Variants in FAM135B observed in about 807,000 individuals in gnomAD.
FAM135B encodes the protein family with sequence similarity 135 member B.
In FAM135B, 43 loss-of-function variants were observed where a neutral mutation model predicts 127.7. The ratio of observed to expected loss-of-function variants is 0.34; its 90% CI spans 0.26 to 0.43. The LOEUF (loss-of-function observed/expected upper bound fraction) is 0.43, where lower values mean the gene tolerates loss of function less well. Ranked by LOEUF, FAM135B falls within the 20% of genes least tolerant of loss-of-function variation. The probability of loss-of-function intolerance (pLI) is 1.00; values close to 1 mark genes in which losing one functional copy is unlikely to be tolerated. For missense variants in FAM135B, 1,558 were observed against 1,725.6 expected (o/e 0.90, Z 1.72); for synonymous variants, 670 against 665.1 (o/e 1.01, Z -0.11).
rs553473884 is a variant in FAM135B at position 138,282,738 on chromosome 8, G to C, written c.158-16896C>G. On this transcript the variant is annotated intron_variant, in intron 3 of 19. Transcript: ENST00000395297. Reference sequence around the variant, plus strand: ...CTCTCATTCACGACATGTGGGAACGGAAAAGGGCACAGACACTTTGGGAGA... The same window carrying C: ...CTCTCATTCACGACATGTGGGAACGCAAAAGGGCACAGACACTTTGGGAGA... 2.6e-5 allele frequency among the ~76,000 whole-genome samples: 4 copies of C among 152,272 alleles called. No homozygotes were observed. The South Asian group carries it at 8.3e-4, about 32-fold the overall frequency.
At chr8:138,309,428 T>C (rs1826498398) in intron 3 of FAM135B, among the ~76,000 whole-genome samples, 1 of 152,158 alleles carries the variant, frequency 6.6e-6, no homozygotes, top group South Asian at 2.1e-4. Context: ...AACTTGACTG[T>C]TATTTAATGC....
intron 1 of FAM135B, among the ~76,000 whole-genome samples, chr8:138,496,012 G>A (rs1815377655): frequency 1.3e-5 from 2 of 152,180 alleles, no homozygotes; most frequent in South Asian, 4.1e-4. Context: ...GGAGGGCATA[G>A]TCTTGACTGC....
intron 1 of FAM135B, among the ~76,000 whole-genome samples, chr8:138,414,552 A>C (rs1278580228): frequency 6.6e-6 from 1 of 152,206 alleles, no homozygotes; most frequent in African/African-American, 2.4e-5. Context: ...CAGACTTTTG[A>C]ATTTAATGAG....
chr8:138,175,894 A>AT (rs1023243640), intron 11 of FAM135B, among the ~76,000 whole-genome samples: 1 of 152,182 alleles, frequency 6.6e-6, no homozygotes, highest in Non-Finnish European at 1.5e-5. Flanking sequence ...GACAATACAC[A>AT]TTCGCTTACT....
In FAM135B at chr8:138,137,267, A is replaced by C. The variant is rs6577877; in HGVS notation, c.3902-7T>G. 1,199,434 of 1,528,296 alleles carry C rather than the reference A, an allele frequency of 0.78. 473,816 individuals carry two copies. The highest frequency in any genetic ancestry group is 1 in the East Asian group (44,440 of 44,466). 94.7% of individuals were successfully genotyped at this position (1,528,296 alleles called of 1,614,324 possible). A position where few individuals can be genotyped will look rare whatever the true frequency, so the allele number is the denominator to read the frequency against. Reference sequence around the variant, plus strand: ...TTTTTAAAATACTGCAGCCCTGTAAAAATTAGCCAGATGAGTGCTTTTTAC... The same window carrying C: ...TTTTTAAAATACTGCAGCCCTGTAACAATTAGCCAGATGAGTGCTTTTTAC... On this transcript the variant is annotated splice_polypyrimidine_tract_variant and splice_region_variant and intron_variant, in intron 18 of 19. Coordinates refer to ENST00000395297, the MANE Select transcript of FAM135B (RefSeq NM_015912.4).
chr8:138,346,224 A>T (rs1364537157), intron 2 of FAM135B, among the ~76,000 whole-genome samples: 1 of 152,228 alleles, frequency 6.6e-6, no homozygotes, highest in Non-Finnish European at 1.5e-5. Context: ...TAGTTCAACC[A>T]TTGTGGAAGA....
chr8:138,273,030 T>C (rs1267165614), intron 3 of FAM135B, among the ~76,000 whole-genome samples: 1 of 152,156 alleles, frequency 6.6e-6, no homozygotes, highest in Non-Finnish European at 1.5e-5. Flanking sequence ...CCTATGAAAG[T>C]ACCTGGTACA....
At position 138,489,202 on chromosome 8, in the gene FAM135B, C is replaced by A. The variant is rs1353358214; in HGVS notation, c.-20+7469G>T. ...TCAGAGACCTGAAACTCCACGCATT[C>A]AAAACAGAACTCATCATTTCCTCCT... On this transcript the variant is annotated intron_variant, in intron 1 of 19. Coordinates refer to ENST00000395297, the MANE Select transcript of FAM135B (RefSeq NM_015912.4). Among the ~76,000 whole-genome samples, 3 of 152,182 alleles carry A rather than the reference C, an allele frequency of 2.0e-5. No homozygotes were observed. In the East Asian group the frequency reaches 5.8e-4, roughly 29 times the overall value.
In FAM135B at chr8:138,168,009, A is replaced by T. The variant is rs984727395; in HGVS notation, c.1144T>A (p.Ser382Thr). 6.2e-7 allele frequency: 1 copy of T among 1,613,866 alleles called. No homozygotes were observed. The highest frequency in any genetic ancestry group is 1.1e-5 in the South Asian group (1 of 91,038). Residue 382 changes from serine (S) to threonine (T), a missense_variant, in exon 12 of 20, where the codon TCG (serine) becomes ACG (threonine). By Grantham distance (58) the Ser-to-Thr change is moderately conservative (BLOSUM62 1). This residue lies in a region of FAM135B where 115 missense variants were observed against 171.1 expected (regional missense o/e 0.67). Transcript: ENST00000395297. ...GGGGGCATGCTAGTGAGGTACTCCG[A>T]GTTCCGGATATCCAGGGACAGCTGG... ...HSQLSLDIRNSEYLTSMPPLP... is the reference protein window; with the variant it reads ...HSQLSLDIRNTEYLTSMPPLP...
rs1235911704 is a variant in FAM135B, at chr8:138,218,764, CACAGAGAGAG to C, written c.670-21105_670-21096del. Among the ~76,000 whole-genome samples, 590 of 67,480 alleles carry C rather than the reference CACAGAGAGAG, an allele frequency of 8.7e-3. 14 individuals carry two copies. Among genetic ancestry groups the C allele is most frequent in the East Asian group, 0.068 (169 of 2,482 alleles). The allele number at this position is 67,480 out of a possible 152,430, so 44.3% of individuals were successfully genotyped here. On this transcript the variant is annotated intron_variant, in intron 7 of 19. Coordinates refer to ENST00000395297, the MANE Select transcript of FAM135B (RefSeq NM_015912.4). ...TCCCAAACTTACACGCACACACACA[CACAGAGAGAG>C]AGAGAGAGAGAGAGAGAGAGAGAGA...
At chr8:138,369,289 T>G (rs531139566) in intron 1 of FAM135B, among the ~76,000 whole-genome samples, 1 of 152,234 alleles carries the variant, frequency 6.6e-6, no homozygotes, top group Admixed American at 6.5e-5. Flanking sequence ...TGGCAACTGG[T>G]GATTCACACT....
intron 11 of FAM135B, among the ~76,000 whole-genome samples, chr8:138,173,999 G>T (rs189353338): frequency 1.6e-4 from 25 of 152,236 alleles, no homozygotes; most frequent in Non-Finnish European, 3.7e-4. Flanking sequence ...GCGAAAGATG[G>T]TCTTCATTTC....
intron 1 of FAM135B, among the ~76,000 whole-genome samples, chr8:138,411,111 A>C (rs538478952): frequency 2.3e-4 from 33 of 145,420 alleles, no homozygotes; most frequent in Non-Finnish European, 4.4e-4. Context: ...GCTACCAATG[A>C]CTTTCTTCAC....
At chr8:138,173,481 T>G (rs188499799) in intron 11 of FAM135B, among the ~76,000 whole-genome samples, 67 of 152,286 alleles carry the variant, frequency 4.4e-4, no homozygotes, top group African/African-American at 1.5e-3. Flanking sequence ...TTAACCTCTC[T>G]GAGCCCAGGT....
At chr8:138,197,119 A>G (rs4581103) in intron 8 of FAM135B, among the ~76,000 whole-genome samples, 6,079 of 40,774 alleles carry the variant, frequency 0.15, 162 homozygotes, top group East Asian at 0.26. Context: ...GTGTGTGTGT[A>G]TATATATAGT....
intron 7 of FAM135B, among the ~76,000 whole-genome samples, chr8:138,222,369 T>G (rs1275185275): frequency 6.6e-6 from 1 of 152,108 alleles, no homozygotes; most frequent in African/African-American, 2.4e-5. Flanking sequence ...AATTATCTAT[T>G]TATTCTATAT....
chr8:138,330,056 T>C (rs1375537872), intron 2 of FAM135B, among the ~76,000 whole-genome samples: 1 of 152,138 alleles, frequency 6.6e-6, no homozygotes, highest in Non-Finnish European at 1.5e-5. Flanking sequence ...GATGGGCTTG[T>C]TCTTGCCCAG....
chr8:138,275,321 A>G (rs1029704283), intron 3 of FAM135B, among the ~76,000 whole-genome samples: 1 of 152,156 alleles, frequency 6.6e-6, no homozygotes, highest in Admixed American at 6.6e-5. Flanking sequence ...TGTTCTCTCA[A>G]TATTGCATAC....
chr8:138,323,803 G>A (rs2130956998), intron 2 of FAM135B, among the ~76,000 whole-genome samples: 1 of 152,024 alleles, frequency 6.6e-6, no homozygotes, highest in East Asian at 1.9e-4. Flanking sequence ...TTTTTTTTCT[G>A]AAAATGGAAA....
Sources: gnomAD v4.1 joint callset for allele counts (sites outside exome capture counted in the v4.1 genomes callset) on GRCh38, gnomAD v4.1.1 for gene constraint, gnomAD v4.1.1 regional missense constraint, MANE v1.5 for transcripts, NCBI Gene and HGNC (gene_info 2026-07-23, HGNC 2026-07-21) for gene names.